The following REL variants were observed in gnomAD, a reference collection of about 807,000 sequenced individuals.
The protein encoded by REL is REL proto-oncogene, NF-kB subunit.
REL carries 15 observed loss-of-function variants against 45.9 expected under a neutral mutation model. The ratio of observed to expected loss-of-function variants is 0.33; its 90% confidence interval spans 0.22 to 0.50. REL has a LOEUF of 0.50. Ranked by LOEUF, REL falls within the 20% of genes least tolerant of loss-of-function variation. The pLI, the probability that REL is intolerant of heterozygous loss-of-function variation, is 0.98. For synonymous variants in REL, 239 were observed against 242.1 expected, an observed-to-expected ratio of 0.99 and a Z score of 0.12; for missense variants, 601 against 715.2, an observed-to-expected ratio of 0.84 and a Z score of 1.82.
At chr2:60,890,914 A>G (rs1429188379) in intron 1 of REL, among the ~76,000 whole-genome samples, 4 of 152,236 alleles carry the variant, frequency 2.6e-5, no homozygotes, top group Admixed American at 6.5e-5. Flanking sequence ...CTTCTGGTCT[A>G]ACTTCTTTCA....
rs1047206756 is a variant in REL, at chr2:60,923,273, T to A, written c.*738T>A. 26 of 219,920 alleles carry A rather than the reference T, an allele frequency of 1.2e-4. No individual in the cohort carries two copies. The highest frequency in any genetic ancestry group is 2.3e-4 in the Non-Finnish European group (25 of 109,598). 13.6% of individuals were successfully genotyped at this position (219,920 alleles called of 1,614,324 possible). A position where few individuals can be genotyped will look rare whatever the true frequency, so the allele number is the denominator to read the frequency against. The stretch of plus-strand genomic sequence containing the variant: ...ATCAAAATGTCTTTAAAATGTTAAG[T>A]TGGGCAGAAGGCAGTTGAAGTGAGC... On this transcript the variant is annotated 3_prime_UTR_variant, in exon 10 of 10. Coordinates refer to ENST00000394479, the MANE Select transcript of REL (RefSeq NM_001291746.2).
chr2:60,915,609 A>G (rs1205899612), intron 4 of REL, among the ~76,000 whole-genome samples: 1 of 152,208 alleles, frequency 6.6e-6, no homozygotes, highest in East Asian at 1.9e-4. Context: ...TAAAATAAGG[A>G]ATTTGGGCTT....
Position 60,926,738 on chromosome 2 carries a change from A to C in REL, c.*4203A>C, listed in dbSNP as rs917399303. ...ACCCAAGATACTTACTAGGAACCTC[A>C]AAGTATTGTATTCTTTTTCTCCATC... On this transcript the variant is annotated 3_prime_UTR_variant, in exon 10 of 10. Transcript: ENST00000394479. The C allele has an allele frequency of 1.9e-4, 44 of 227,992 alleles. No individual in the cohort carries two copies. Among genetic ancestry groups the C allele is most frequent in the Non-Finnish European group, 4.4e-5 (5 of 114,758 alleles). 14.1% of individuals were successfully genotyped at this position (227,992 alleles called of 1,614,324 possible). A position where few individuals can be genotyped will look rare whatever the true frequency, so the allele number is the denominator to read the frequency against.
chr2:60,891,702 A>G lies in REL; in HGVS notation c.30A>G (p.Ile10Met), dbSNP rs753006954. MASGAYNPY[I>M]EIIEQPRQRG... ...TTTCAGGTGCGTATAACCCGTATATAGAGATAATTGAACAACCCAGGCAGA... is the reference window on the plus strand; with the variant it reads ...TTTCAGGTGCGTATAACCCGTATATGGAGATAATTGAACAACCCAGGCAGA... The change falls in exon 2 of 10, where the codon ATA becomes ATG. Residue 10 changes from isoleucine to methionine, a missense_variant. Physicochemically the swap from Ile to Met is conservative, Grantham distance 10. Around this residue, in one of 4 missense-constraint regions of REL, gnomAD observed 24 missense variants for 18.2 expected, o/e 1.32. Coordinates refer to ENST00000394479, the MANE Select transcript of REL (RefSeq NM_001291746.2). 1 of 1,613,866 alleles carries G rather than the reference A, an allele frequency of 6.2e-7. No individual in the cohort carries two copies. The highest frequency in any genetic ancestry group is 8.5e-7 in the Non-Finnish European group (1 of 1,179,846).
intron 8 of REL, 62 bp from the exon 9 acceptor site, chr2:60,920,512 T>G: frequency 7.4e-7 from 1 of 1,351,366 alleles, no homozygotes; most frequent in Non-Finnish European, 1.1e-6. Flanking sequence ...GTTTTTCAGA[T>G]TTTAACTGAT....
At chr2:60,917,708 G>GTA (rs1435269724) in intron 5 of REL, among the ~76,000 whole-genome samples, 2 of 150,158 alleles carry the variant, frequency 1.3e-5, no homozygotes, top group East Asian at 3.9e-4. Context: ...GTGTGTGTGT[G>GTA]TGTGTGTACG....
chr2:60,918,757 C>T (rs1052402734), intron 7 of REL, 151 bp downstream of exon 7: 3 of 639,668 alleles, frequency 4.7e-6, no homozygotes, highest in Middle Eastern at 4.1e-4. Flanking sequence ...TCTTTATGCT[C>T]TTTGCATCTC....
At chr2:60,904,038 T>C (rs1318168414) in intron 4 of REL, among the ~76,000 whole-genome samples, 1 of 152,338 alleles carries the variant, frequency 6.6e-6, no homozygotes, top group African/African-American at 2.4e-5. Context: ...AAGTGCTTTA[T>C]ATATTTTATT....
rs1475229595 is a variant in REL, at chr2:60,928,034, A to C, written c.*5499A>C. 5.0e-6 allele frequency: 1 copy of C among 201,874 alleles called. No individual in the cohort carries two copies. The highest frequency in any genetic ancestry group is 7.4e-5 in the East Asian group (1 of 13,488). 12.5% of individuals were successfully genotyped at this position (201,874 alleles called of 1,614,324 possible). On this transcript the variant is annotated 3_prime_UTR_variant, in exon 10 of 10. Transcript: ENST00000394479. ...TGTTAAGAGAGACATGGAGCAGGGC[A>C]CTGGCATGGTGGATGGATCACGCCT...
At chr2:60,916,647 G>C (rs1673968876) in intron 4 of REL, among the ~76,000 whole-genome samples, 1 of 152,168 alleles carries the variant, frequency 6.6e-6, no homozygotes, top group African/African-American at 2.4e-5. Flanking sequence ...TCCCAGGTGA[G>C]GGGATAGTTA....
intron 3 of REL, among the ~76,000 whole-genome samples, chr2:60,896,977 A>G (rs1418630805): frequency 6.6e-6 from 1 of 152,244 alleles, no homozygotes. Context: ...CAAGAAATCT[A>G]TAGAAGTGAT....
intron 7 of REL, among the ~76,000 whole-genome samples, chr2:60,919,683 C>T (rs1674082222): frequency 1.3e-5 from 2 of 152,146 alleles, no homozygotes; most frequent in African/African-American, 4.8e-5. Flanking sequence ...CCTCAGCCTC[C>T]CAAAGTGCTG....
rs1356359168 is a variant in REL, at chr2:60,894,543, G to A, written c.300G>A (p.Leu100=). Residue 100 remains leucine (L), a splice_region_variant and synonymous_variant, in exon 3 of 10, where the codon TTG becomes TTA. Transcript: ENST00000394479. ...AATTTGGACAAGAACGCAGACCTTT[G>A]TTGTAAGTACACAGTTACAGACATC... ...EAEFGQERRP[L]FFQNLGIRCV... is the part of the protein sequence containing the mutation. 1 of 1,591,440 alleles carries A rather than the reference G, an allele frequency of 6.3e-7. No homozygotes were observed. The highest frequency in any genetic ancestry group is 8.5e-7 in the Non-Finnish European group (1 of 1,169,988).
Position 60,918,376 on chromosome 2 carries a change from T to G in REL, c.641-18T>G, listed in dbSNP as rs76784662. 2 of 1,578,654 alleles carry G rather than the reference T, an allele frequency of 1.3e-6. No individual in the cohort carries two copies. The highest frequency in any genetic ancestry group is 1.7e-6 in the Non-Finnish European group (2 of 1,160,090). On this transcript the variant is annotated intron_variant, in intron 6 of 9. Coordinates refer to ENST00000394479, the MANE Select transcript of REL (RefSeq NM_001291746.2). Reference sequence around the variant, plus strand: ...CTTTGTTTTCCCATTTTTTTTTTTTTGGTTTCTTATTGACTAGATGACATA... The same window carrying G: ...CTTTGTTTTCCCATTTTTTTTTTTTGGGTTTCTTATTGACTAGATGACATA...
chr2:60,917,717 C>CGTGTGTGT (rs977815725), intron 5 of REL, among the ~76,000 whole-genome samples: 3 of 145,422 alleles, frequency 2.1e-5, no homozygotes, highest in Admixed American at 6.8e-5. Context: ...TGTGTGTGTA[C>CGTGTGTGT]GTGTGTGTGT....
intron 7 of REL, among the ~76,000 whole-genome samples, chr2:60,919,624 C>T (rs1436014226): frequency 6.6e-6 from 1 of 151,976 alleles, no homozygotes; most frequent in South Asian, 2.1e-4. Context: ...GGGGTTTCAC[C>T]ATGTTGGCCA....
At chr2:60,918,063 TTA>T (rs1257582355) in intron 5 of REL, 126 bp from the exon 6 acceptor site, 1 of 609,544 alleles carries the variant, frequency 1.6e-6, no homozygotes, top group East Asian at 2.8e-5. Flanking sequence ...ATTAATGTAT[TTA>T]GTGTCATTTA....
At chr2:60,896,254 G>T (rs963796763) in intron 3 of REL, among the ~76,000 whole-genome samples, 2 of 151,884 alleles carry the variant, frequency 1.3e-5, no homozygotes, top group East Asian at 1.9e-4. Context: ...GGTGATCCAC[G>T]TGCCTCAGCC....
chr2:60,891,675 C>A lies in REL; in HGVS notation c.11-8C>A. 1 of 1,591,936 alleles carries A rather than the reference C, an allele frequency of 6.3e-7. No individual in the cohort carries two copies. The highest frequency in any genetic ancestry group is 8.6e-7 in the Non-Finnish European group (1 of 1,168,590). On this transcript the variant is annotated splice_polypyrimidine_tract_variant and splice_region_variant and intron_variant, in intron 1 of 9. Coordinates refer to ENST00000394479, the MANE Select transcript of REL (RefSeq NM_001291746.2). The stretch of plus-strand genomic sequence containing the variant: ...TCACTGACCTCCTCCTTTTTAAAAA[C>A]TTTTCAGGTGCGTATAACCCGTATA...
Sources: allele counts gnomAD v4.1 joint callset (sites outside exome capture counted in the v4.1 genomes callset), GRCh38; gene constraint gnomAD v4.1.1; regional missense constraint gnomAD v4.1.1; transcripts MANE v1.5; gene names NCBI Gene and HGNC (gene_info 2026-07-23, HGNC 2026-07-21).